The following MBNL2 variants were observed in gnomAD, a reference collection of about 807,000 sequenced individuals.
MBNL2 encodes muscleblind-like protein 2.
In MBNL2, 17 loss-of-function variants were observed where a neutral mutation model predicts 41.9. The observed-to-expected ratio is 0.41, with a 90% CI of 0.28 to 0.61. The LOEUF (loss-of-function observed/expected upper bound fraction) is 0.61. Among genes scored for constraint, MBNL2 ranks in the 20% least tolerant of loss-of-function variants. MBNL2 has a pLI of 0.35. For synonymous variants in MBNL2, 195 were observed against 182.9 expected (o/e 1.07, Z -0.53); for missense variants, 336 against 505.6 (o/e 0.66, Z 3.22).
In MBNL2 at chr13:97,346,845, G is replaced by A. The variant is rs779852275; in HGVS notation, c.582G>A (p.Glu194=). The change falls in exon 5 of 9, where the codon GAG becomes GAA. Residue 194 remains glutamate, a synonymous_variant. Transcript: ENST00000679496. This position sits in a 1 kb window ranked among gnomAD's most constrained non-coding sequence, Gnocchi z 4.2. ...AGCGAGGAAACTGTGCCCGGGGAGA[G>A]ACCGACTGCCGCTTTGCACACCCCG... is the stretch of plus-strand genomic sequence containing the variant. The part of the protein sequence containing the change: ...EFQRGNCARG[E]TDCRFAHPAD... 2 of 1,614,114 alleles carry A rather than the reference G, an allele frequency of 1.2e-6. No individual in the cohort carries two copies. The highest frequency in any genetic ancestry group is 1.7e-6 in the Non-Finnish European group (2 of 1,179,974).
the MBNL2 span, among the ~76,000 whole-genome samples, chr13:97,184,909 T>A: frequency 1.3e-5 from 2 of 150,952 alleles, no homozygotes; most frequent in South Asian, 4.3e-4. Flanking sequence ...AGCCAAAAAT[T>A]TTTTTTTTAC....
At chr13:97,221,070 A>T (rs1457042123), upstream of MBNL2, among the ~76,000 whole-genome samples, 6 of 152,204 alleles carry the variant, frequency 3.9e-5, no homozygotes, top group Non-Finnish European at 8.8e-5. Context: ...TAGCCTAGAA[A>T]TTATATGAAA....
At chr13:97,284,298 G>C (rs190581966) in intron 2 of MBNL2, among the ~76,000 whole-genome samples, 3 of 152,294 alleles carry the variant, frequency 2.0e-5, no homozygotes, top group Admixed American at 1.3e-4. Context: ...GAAGTTGGGG[G>C]AGAGGGGTGG....
At chr13:97,225,433 G>GGT (rs2152766756) in intron 1 of MBNL2, among the ~76,000 whole-genome samples, 1 of 152,264 alleles carries the variant, frequency 6.6e-6, no homozygotes, top group East Asian at 1.9e-4. Flanking sequence ...CATTGCAAGG[G>GGT]GTGAAGGATT....
the MBNL2 span, among the ~76,000 whole-genome samples, chr13:97,192,796 A>G: frequency 6.6e-6 from 1 of 152,258 alleles, no homozygotes; most frequent in Non-Finnish European, 1.5e-5. Context: ...GCTCAGCTGC[A>G]ATGCCTCTAA....
At chr13:97,379,106 C>T (rs2065207872) in intron 8 of MBNL2, among the ~76,000 whole-genome samples, 1 of 152,210 alleles carries the variant, frequency 6.6e-6, no homozygotes, top group East Asian at 1.9e-4. Flanking sequence ...CCCTTAAAAA[C>T]TCCGAACTAC....
At chr13:97,232,159 G>T (rs1266633732) in intron 1 of MBNL2, among the ~76,000 whole-genome samples, 1 of 152,200 alleles carries the variant, frequency 6.6e-6, no homozygotes, top group African/African-American at 2.4e-5. Flanking sequence ...AGGCCTGATT[G>T]TTGAGTCTCA....
the MBNL2 span, among the ~76,000 whole-genome samples, chr13:97,155,388 T>C: frequency 6.6e-6 from 1 of 151,274 alleles, no homozygotes; most frequent in African/African-American, 2.4e-5. Context: ...TTTCTTTTTT[T>C]TTTTTATTTT....
chr13:97,167,768 A>T, the MBNL2 span, among the ~76,000 whole-genome samples: 1 of 152,190 alleles, frequency 6.6e-6, no homozygotes, highest in East Asian at 1.9e-4. Context: ...TCAAGTTGAG[A>T]CCATTTTGAA....
At chr13:97,303,935 A>G (rs1042726455) in intron 2 of MBNL2, among the ~76,000 whole-genome samples, 11 of 152,204 alleles carry the variant, frequency 7.2e-5, no homozygotes, top group African/African-American at 2.4e-4. Flanking sequence ...AATTAGGCAT[A>G]ATTGGATATA....
chr13:97,234,500 G>A (rs963018996), intron 1 of MBNL2, among the ~76,000 whole-genome samples: 2 of 152,130 alleles, frequency 1.3e-5, no homozygotes, highest in African/African-American at 2.4e-5. Flanking sequence ...ACAGTGCGGG[G>A]GCGGGGGGTA....
chr13:97,222,848 A>G (rs2041015741), intron 1 of MBNL2, among the ~76,000 whole-genome samples: 2 of 152,228 alleles, frequency 1.3e-5, no homozygotes, highest in Admixed American at 1.3e-4. Context: ...AAAAATTGTT[A>G]TATTGCCATA....
intron 5 of MBNL2, among the ~76,000 whole-genome samples, chr13:97,356,583 A>C (rs1304021202): frequency 6.6e-6 from 1 of 152,224 alleles, no homozygotes; most frequent in Non-Finnish European, 1.5e-5. Context: ...TTTAAGGTGT[A>C]ATATTCATTT....
In MBNL2 at chr13:97,346,864, C is replaced by G; in HGVS notation, c.601C>G (p.His201Asp). The change falls in exon 5 of 9, where the codon CAC becomes GAC. Residue 201 changes from histidine (H) to aspartate (D), a missense_variant. Transcript: ENST00000679496. This position sits in a 1 kb window ranked among gnomAD's most constrained non-coding sequence, Gnocchi z 4.2. ...ARGETDCRFA[H>D]PADSTMIDTS... ...GGGAGAGACCGACTGCCGCTTTGCA[C>G]ACCCCGCAGACAGCACCATGATCGA... The G allele has an allele frequency of 6.2e-7, 1 of 1,613,894 alleles. No homozygotes were observed. Among genetic ancestry groups the G allele is most frequent in the Non-Finnish European group, 8.5e-7 (1 of 1,179,806 alleles).
intron 2 of MBNL2, among the ~76,000 whole-genome samples, chr13:97,325,339 G>C (rs1453212624): frequency 6.6e-6 from 1 of 152,104 alleles, no homozygotes; most frequent in Admixed American, 6.5e-5. Context: ...CGGTAAGAGG[G>C]GTTTCTCCCT....
the MBNL2 span, among the ~76,000 whole-genome samples, chr13:97,156,531 C>G: frequency 7.4e-6 from 1 of 135,820 alleles, no homozygotes; most frequent in African/African-American, 2.9e-5. Context: ...GGTTTTAGGT[C>G]TAACGTTTAA....
chr13:97,326,946 A>C (rs1186474237), intron 2 of MBNL2, among the ~76,000 whole-genome samples: 4 of 152,202 alleles, frequency 2.6e-5, no homozygotes, highest in African/African-American at 9.6e-5. Context: ...GGCCTATGTG[A>C]CTGAGACCTG....
intron 8 of MBNL2, among the ~76,000 whole-genome samples, chr13:97,368,798 A>G (rs1489298557): frequency 6.6e-6 from 1 of 151,948 alleles, no homozygotes; most frequent in Admixed American, 6.6e-5. Flanking sequence ...GCTAAAATAT[A>G]TCACTTTCAG....
At chr13:97,241,626 C>G (rs971592668) in intron 1 of MBNL2, among the ~76,000 whole-genome samples, 1 of 152,150 alleles carries the variant, frequency 6.6e-6, no homozygotes, top group African/African-American at 2.4e-5. Context: ...TGAAGTGAAA[C>G]AATCATGATT....
Sources: gnomAD v4.1 joint callset for allele counts (sites outside exome capture counted in the v4.1 genomes callset) on GRCh38, gnomAD v4.1.1 for gene constraint, Gnocchi (gnomAD v3.1) non-coding constraint, MANE v1.5 for transcripts, NCBI Gene and HGNC (gene_info 2026-07-23, HGNC 2026-07-21) for gene names.